LRRC58: variants seen among roughly 807,000 people sequenced by gnomAD.
The protein encoded by LRRC58 is leucine-rich repeat-containing protein 58.
LRRC58 carries 18 observed loss-of-function variants against 30.6 expected under a neutral mutation model. The observed-to-expected ratio is 0.59, with a 90% CI of 0.41 to 0.87. LRRC58 has a LOEUF of 0.87. LRRC58 is among the 40% of genes least tolerant of loss of function. The pLI, the probability that LRRC58 is intolerant of heterozygous loss-of-function variation, is 0.00. For synonymous variants in LRRC58, 221 were observed against 206.0 expected (o/e 1.07, Z -0.62); for missense variants, 420 against 468.4 (o/e 0.90, Z 0.95).
At chr3:120,339,492 T>C (rs746830298) in intron 1 of LRRC58, among the ~76,000 whole-genome samples, 5 of 152,214 alleles carry the variant, frequency 3.3e-5, no homozygotes, top group Non-Finnish European at 7.4e-5. Context: ...CTCATGGTTG[T>C]TAATCTTTGA....
intron 1 of LRRC58, among the ~76,000 whole-genome samples, chr3:120,344,640 A>G (rs1411126393): frequency 2.0e-5 from 3 of 152,352 alleles, no homozygotes; most frequent in South Asian, 2.1e-4. Context: ...AAAGGAAGGC[A>G]TTACTTAAGA....
chr3:120,347,530 T>A (rs547848892), intron 1 of LRRC58, among the ~76,000 whole-genome samples: 19 of 150,766 alleles, frequency 1.3e-4, no homozygotes, highest in Admixed American at 2.0e-4. Flanking sequence ...TAGCTGGGAC[T>A]ACAGGCGCCC....
rs1034924116 is a variant in LRRC58 at position 120,335,947 on chromosome 3, C to A, written c.507G>T (p.Glu169Asp). Residue 169 changes from glutamate to aspartate, a missense_variant, in exon 2 of 4, where the codon GAG becomes GAT. Glu to Asp is a conservative substitution (Grantham distance 45). This residue lies in a region of LRRC58 where 266 missense variants were observed against 251.7 expected (regional missense o/e 1.06). Transcript: ENST00000295628. The stretch of plus-strand genomic sequence containing the variant: ...TGAAATTTCCTCCAAGATATAAACA[C>A]TCTAAACTGCAAAAATAAATGAACA... ...PAEIENLQSL[E>D]CLYLGGNFIK... The A allele has an allele frequency of 6.4e-6, 10 of 1,573,976 alleles. No individual in the cohort carries two copies. The highest frequency in any genetic ancestry group is 1.4e-5 in the African/African-American group (1 of 73,636).
At chr3:120,345,135 C>T (rs1935952676) in intron 1 of LRRC58, among the ~76,000 whole-genome samples, 1 of 151,790 alleles carries the variant, frequency 6.6e-6, no homozygotes, top group South Asian at 2.1e-4. Context: ...AAGATTTTGC[C>T]ACTAGGGGAA....
At chr3:120,348,617 T>G (rs1320094246) in intron 1 of LRRC58, 127 bp downstream of exon 1, 1 of 1,125,128 alleles carries the variant, frequency 8.9e-7, no homozygotes, top group Non-Finnish European at 1.2e-6. Flanking sequence ...CAGAACTCAC[T>G]ACCGCACAGT....
chr3:120,340,488 C>A (rs990307100), intron 1 of LRRC58, among the ~76,000 whole-genome samples: 1 of 152,164 alleles, frequency 6.6e-6, no homozygotes, highest in African/African-American at 2.4e-5. Context: ...CAGATATTTT[C>A]TCAAGTATAA....
At chr3:120,345,674 A>C (rs1935959034) in intron 1 of LRRC58, among the ~76,000 whole-genome samples, 1 of 152,250 alleles carries the variant, frequency 6.6e-6, no homozygotes, top group African/African-American at 2.4e-5. Flanking sequence ...GGCTTTTTCT[A>C]GCTCAGAGTA....
rs1388905762 is a variant in LRRC58 at position 120,348,994 on chromosome 3, C to G, written c.250G>C (p.Gly84Arg). The change falls in exon 1 of 4, where the codon GGG becomes CGG. Residue 84 changes from glycine (G) to arginine (R), a missense_variant. Physicochemically the swap from Gly to Arg is moderately radical, Grantham distance 125. Coordinates refer to ENST00000295628, the MANE Select transcript of LRRC58 (RefSeq NM_001099678.2). ...DVSGNALTAL[G>R]PELLALRGLR... ...CCGCGCAGAGCGAGCAGCTCCGGCCCGAGCGCGGTCAACGCGTTGCCGCTC... is the reference window on the plus strand; with the variant it reads ...CCGCGCAGAGCGAGCAGCTCCGGCCGGAGCGCGGTCAACGCGTTGCCGCTC... 4 of 1,524,654 alleles carry G rather than the reference C, an allele frequency of 2.6e-6. No homozygotes were observed. Among genetic ancestry groups the G allele is most frequent in the Non-Finnish European group, 3.5e-6 (4 of 1,142,756 alleles). 94.4% of individuals were successfully genotyped at this position (1,524,654 alleles called of 1,614,324 possible). A position where few individuals can be genotyped will look rare whatever the true frequency, so the allele number is the denominator to read the frequency against.
intron 2 of LRRC58, 98 bp from the exon 3 acceptor site, chr3:120,335,237 G>T: frequency 1.9e-6 from 2 of 1,031,096 alleles, no homozygotes; most frequent in Non-Finnish European, 2.8e-6. Context: ...TTCCCCTTAA[G>T]AATGAGCAAT....
rs952044240 is a variant in LRRC58, at chr3:120,349,100, C to T, written c.144G>A (p.Arg48=). 11 of 1,512,738 alleles carry T rather than the reference C, an allele frequency of 7.3e-6. No homozygotes were observed. Among genetic ancestry groups the T allele is most frequent in the Middle Eastern group, 1.9e-4 (1 of 5,334 alleles). 93.7% of individuals were successfully genotyped at this position (1,512,738 alleles called of 1,614,324 possible). A position where few individuals can be genotyped will look rare whatever the true frequency, so the allele number is the denominator to read the frequency against. ...ERRGAREALL[R]LLLPHNRLVS... ...CCAGACGGTTGTGAGGCAGCAGCAG[C>T]CGCAGCAGCGCCTCCCGCGCCCCGC... The change falls in exon 1 of 4, where the codon CGG becomes CGA. Residue 48 remains arginine, a synonymous_variant. Transcript: ENST00000295628.
intron 1 of LRRC58, among the ~76,000 whole-genome samples, chr3:120,344,623 A>T (rs1409644737): frequency 6.6e-6 from 1 of 152,230 alleles, no homozygotes; most frequent in Non-Finnish European, 1.5e-5. Context: ...AGGCATCATG[A>T]ACAGAAAAAG....
chr3:120,347,376 A>ATTTTTTTTT (rs1208688984), intron 1 of LRRC58, among the ~76,000 whole-genome samples: 2 of 51,104 alleles, frequency 3.9e-5, no homozygotes, highest in Admixed American at 2.2e-4. Context: ...CCAGGCCAAT[A>ATTTTTTTTT]TTCTTTTTTT....
At chr3:120,342,036 A>C (rs2176093) in intron 1 of LRRC58, among the ~76,000 whole-genome samples, 46,920 of 151,750 alleles carry the variant, frequency 0.31, 8,842 homozygotes, top group African/African-American at 0.52. Flanking sequence ...GGATCCCCCC[A>C]ACAATCCCTG....
At chr3:120,336,159 G>T (rs1278210758) in intron 1 of LRRC58, among the ~76,000 whole-genome samples, 1 of 152,084 alleles carries the variant, frequency 6.6e-6, no homozygotes, top group Admixed American at 6.6e-5. Flanking sequence ...ACCAATGTTA[G>T]ATAACATTAT....
chr3:120,349,271 G>A lies in LRRC58; in HGVS notation c.-28C>T, dbSNP rs752086041. The A allele has an allele frequency of 5.6e-5, 76 of 1,357,152 alleles. No individual in the cohort carries two copies. Among genetic ancestry groups the A allele is most frequent in the Admixed American group, 1.2e-4 (3 of 24,558 alleles). 84.1% of individuals were successfully genotyped at this position (1,357,152 alleles called of 1,614,324 possible). ...TGGCCACCGCACGGCGCGTGGCGCC[G>A]GATTCCCCAGAGCGCCGCGCGCGGT... On this transcript the variant is annotated 5_prime_UTR_variant, in exon 1 of 4. Transcript: ENST00000295628.
At position 120,324,705 on chromosome 3, in the gene LRRC58, G is replaced by A. The variant is rs1935649631; in HGVS notation, c.*6495C>T. The A allele has an allele frequency of 6.6e-6, 1 of 151,888 alleles. No individual in the cohort carries two copies. Among genetic ancestry groups the A allele is most frequent in the Non-Finnish European group, 1.5e-5 (1 of 68,000 alleles). 9.4% of individuals were successfully genotyped at this position (151,888 alleles called of 1,614,324 possible). Reference sequence around the variant, plus strand: ...TCTTTTGTACGTCCTGGGGGAGGGGGAAGAAGGTGGTAGAATTGAAGTAGC... The same window carrying A: ...TCTTTTGTACGTCCTGGGGGAGGGGAAAGAAGGTGGTAGAATTGAAGTAGC... On this transcript the variant is annotated 3_prime_UTR_variant, in exon 4 of 4. Coordinates refer to ENST00000295628, the MANE Select transcript of LRRC58 (RefSeq NM_001099678.2).
Position 120,348,835 on chromosome 3 carries a change from C to T in LRRC58, c.409G>A (p.Ala137Thr), listed in dbSNP as rs780183423. 7 of 1,605,374 alleles carry T rather than the reference C, an allele frequency of 4.4e-6. No homozygotes were observed. The highest frequency in any genetic ancestry group is 5.9e-6 in the Non-Finnish European group (7 of 1,176,746). The part of the protein sequence containing the change: ...LSGNCFQEVP[A>T]SLLELRALQT... ...AGCGCGCGCAGCTCTAAGAGCGAGG[C>T]AGGCACCTCCTGGAAACAGTTGCCG... The change falls in exon 1 of 4, where the codon GCC becomes ACC. Residue 137 changes from alanine to threonine, a missense_variant. Physicochemically the swap from Ala to Thr is moderately conservative, Grantham distance 58 (BLOSUM62 0). Transcript: ENST00000295628.
In LRRC58 at chr3:120,327,743, G is replaced by A. The variant is rs2107619812; in HGVS notation, c.*3457C>T. The A allele has an allele frequency of 6.9e-6, 1 of 144,270 alleles. No homozygotes were observed. Among genetic ancestry groups the A allele is most frequent in the Admixed American group, 7.1e-5 (1 of 14,080 alleles). The allele number at this position is 144,270 out of a possible 1,614,324, so 8.9% of individuals were successfully genotyped here. Reference sequence around the variant, plus strand: ...TACAATTTACAATGCAAATTTTTTTGTTTGTTTTTTGTTTGTTTGTTTGAG... The same window carrying A: ...TACAATTTACAATGCAAATTTTTTTATTTGTTTTTTGTTTGTTTGTTTGAG... On this transcript the variant is annotated 3_prime_UTR_variant, in exon 4 of 4. Transcript: ENST00000295628.
chr3:120,334,925 G>C lies in LRRC58; in HGVS notation c.844C>G (p.Leu282Val). 6.2e-7 allele frequency: 1 copy of C among 1,613,780 alleles called. No homozygotes were observed. Among genetic ancestry groups the C allele is most frequent in the Non-Finnish European group, 8.5e-7 (1 of 1,179,788 alleles). ...AAGTATCTAAGAAGATTTCCAGGAA[G>C]ATCATAGGGAGTGTAGGAAATATTT... ...IRNISYTPYD[L>V]PGNLLRYLGS... is the part of the protein sequence containing the mutation. The change falls in exon 3 of 4, where the codon CTT (leucine) becomes GTT (valine). Residue 282 changes from leucine to valine, a missense_variant. Physicochemically the swap from Leu to Val is conservative, Grantham distance 32. Coordinates refer to ENST00000295628, the MANE Select transcript of LRRC58 (RefSeq NM_001099678.2).
Sources: gnomAD v4.1 joint callset for allele counts (sites outside exome capture counted in the v4.1 genomes callset) on GRCh38, gnomAD v4.1.1 for gene constraint, gnomAD v4.1.1 regional missense constraint, MANE v1.5 for transcripts, NCBI Gene and HGNC (gene_info 2026-07-23, HGNC 2026-07-21) for gene names.